DISC1: variants seen among roughly 807,000 people sequenced by gnomAD.
DISC1 encodes disrupted in schizophrenia 1 protein.
Under a neutral mutation model 84.5 loss-of-function variants are expected in DISC1, and 57 were observed. The ratio of observed to expected loss-of-function variants is 0.67; its 90% confidence interval spans 0.55 to 0.84. The LOEUF is 0.84. Among genes scored for constraint, DISC1 ranks in the 40% least tolerant of loss-of-function variants. The pLI is 0.00. For synonymous variants in DISC1, 411 were observed against 415.2 expected (o/e 0.99, Z 0.12); for missense variants, 1,000 against 1,057.8 (o/e 0.95, Z 0.76).
At chr1:232,022,223 G>C (rs1288441000) in intron 11 of DISC1, among the ~76,000 whole-genome samples, 7 of 151,990 alleles carry the variant, frequency 4.6e-5, no homozygotes, top group Admixed American at 4.6e-4. Context: ...GCATGGCATG[G>C]AAATGGCCAA....
chr1:231,684,282 C>T (rs192058874), intron 1 of DISC1, among the ~76,000 whole-genome samples: 9 of 152,042 alleles, frequency 5.9e-5, no homozygotes, highest in East Asian at 1.9e-4. Flanking sequence ...GCTGGGACTA[C>T]GGGGGCATAT....
chr1:231,658,437 G>C (rs2061316739), intron 1 of DISC1, among the ~76,000 whole-genome samples: 1 of 152,154 alleles, frequency 6.6e-6, no homozygotes, highest in Admixed American at 6.5e-5. Context: ...AAGATAATTT[G>C]ACTTCCTCTC....
chr1:231,973,078 A>T (rs1376506065), intron 10 of DISC1, among the ~76,000 whole-genome samples: 1 of 141,694 alleles, frequency 7.1e-6, no homozygotes, highest in African/African-American at 2.6e-5. Flanking sequence ...ATGGAGTCTC[A>T]CTCTGTTATC....
rs574006331 is a variant in DISC1 at position 232,018,830 on chromosome 1, A to G, written c.2308-7605A>G. On this transcript the variant is annotated intron_variant, in intron 11 of 12. Coordinates refer to ENST00000439617, the MANE Select transcript of DISC1 (RefSeq NM_018662.3). The stretch of plus-strand genomic sequence containing the variant: ...GTACTGTGGAGAGCCCCAGGACCCC[A>G]TGGCTGTCCCTGTGGCAAGAAAATT... 1.1e-4 allele frequency among the ~76,000 whole-genome samples: 17 copies of G among 152,306 alleles called. No individual in the cohort carries two copies. The East Asian group carries it at 2.9e-3, about 26-fold the overall frequency.
At chr1:231,699,220 GGA>G (rs893231827) in intron 2 of DISC1, among the ~76,000 whole-genome samples, 18 of 152,298 alleles carry the variant, frequency 1.2e-4, no homozygotes, top group African/African-American at 4.3e-4. Flanking sequence ...AGCAGAACAA[GGA>G]GAGAGGCACT....
intron 3 of DISC1, among the ~76,000 whole-genome samples, chr1:231,702,875 G>A (rs2066588882): frequency 6.6e-6 from 1 of 152,122 alleles, no homozygotes; most frequent in South Asian, 2.1e-4. Context: ...ATGACATGTA[G>A]ATTCCCCTAG....
At chr1:231,910,694 C>T (rs1370170508) in intron 9 of DISC1, among the ~76,000 whole-genome samples, 2 of 152,100 alleles carry the variant, frequency 1.3e-5, no homozygotes, top group East Asian at 3.8e-4. Flanking sequence ...ATTAGGTCTG[C>T]TTGGTGTGGA....
chr1:231,767,008 A>T, intron 4 of DISC1, 132 bp from the exon 5 acceptor site: 1 of 1,206,310 alleles, frequency 8.3e-7, no homozygotes, highest in Non-Finnish European at 1.2e-6. Flanking sequence ...CATCCTAAAA[A>T]CAGGTAAGTA....
chr1:231,980,808 G>C (rs1252966164), intron 10 of DISC1, among the ~76,000 whole-genome samples: 1 of 152,078 alleles, frequency 6.6e-6, no homozygotes, highest in Admixed American at 6.6e-5. Context: ...ACTTTCCTGG[G>C]GTCCTTTTTT....
At chr1:231,906,019 C>CTTTTTT (rs5781677) in intron 9 of DISC1, among the ~76,000 whole-genome samples, 4 of 76,970 alleles carry the variant, frequency 5.2e-5, no homozygotes, top group Non-Finnish European at 7.1e-5. Context: ...GAGGTCATGG[C>CTTTTTT]TTTTTTTTTT....
In DISC1 at chr1:231,976,816, C is replaced by T. The variant is rs566370157; in HGVS notation, c.2042+17928C>T. ...ATCATGGTAGAGAGACTGATTCAGA[C>T]ATTTTTCAAATGTTTGTTGGAAATG... On this transcript the variant is annotated intron_variant, in intron 10 of 12. Transcript: ENST00000439617. 4.6e-5 allele frequency among the ~76,000 whole-genome samples: 7 copies of T among 152,306 alleles called. No homozygotes were observed. The South Asian group carries it at 1.5e-3, about 32-fold the overall frequency.
At chr1:231,830,324 G>A (rs989432885) in intron 9 of DISC1, among the ~76,000 whole-genome samples, 6 of 152,256 alleles carry the variant, frequency 3.9e-5, no homozygotes, top group Middle Eastern at 3.4e-3. Context: ...AGAATTATTG[G>A]TGATGGCCTG....
At chr1:231,866,800 T>G (rs1238841975) in intron 9 of DISC1, 1 of 1,074,454 alleles carries the variant, frequency 9.3e-7, no homozygotes, top group African/African-American at 1.6e-5. Context: ...GTAATTAAAG[T>G]CATGATAGTT....
chr1:231,894,803 T>A (rs979868297), intron 9 of DISC1, among the ~76,000 whole-genome samples: 2 of 148,384 alleles, frequency 1.3e-5, no homozygotes, highest in African/African-American at 4.9e-5. Context: ...GTCCCCATAC[T>A]CTTCCATTGA....
At chr1:231,861,226 G>A (rs980979087) in intron 9 of DISC1, among the ~76,000 whole-genome samples, 7 of 152,136 alleles carry the variant, frequency 4.6e-5, no homozygotes, top group Admixed American at 2.0e-4. Context: ...ATGATTGAGA[G>A]TGTGCTTCGG....
chr1:231,770,345 A>T (rs914487684), intron 5 of DISC1, among the ~76,000 whole-genome samples: 2 of 152,254 alleles, frequency 1.3e-5, no homozygotes, highest in African/African-American at 4.8e-5. Context: ...GCAGCATCTC[A>T]TTCTTCTCTC....
At chr1:231,800,003 C>A in intron 7 of DISC1, 105 bp from the exon 8 acceptor site, 1 of 701,996 alleles carries the variant, frequency 1.4e-6, no homozygotes, top group South Asian at 1.5e-5. Flanking sequence ...TTTCATCACC[C>A]CTTTTAATTA....
intron 12 of DISC1, among the ~76,000 whole-genome samples, chr1:232,034,165 G>C (rs999958500): frequency 1.3e-5 from 2 of 152,060 alleles, no homozygotes; most frequent in South Asian, 4.1e-4. Context: ...ACCCCTACAG[G>C]CTCATTAAAT....
chr1:231,852,610 T>C (rs1185203225), intron 9 of DISC1, among the ~76,000 whole-genome samples: 2 of 152,260 alleles, frequency 1.3e-5, no homozygotes, highest in Non-Finnish European at 2.9e-5. Context: ...CAGGAGTGGC[T>C]AATTAATTCT....
Sources: allele counts gnomAD v4.1 joint callset (sites outside exome capture counted in the v4.1 genomes callset), GRCh38; gene constraint gnomAD v4.1.1; transcripts MANE v1.5; gene names NCBI Gene and HGNC (gene_info 2026-07-23, HGNC 2026-07-21).